Variants in IGF1 observed in about 807,000 individuals in gnomAD.
The protein encoded by IGF1 is insulin-like growth factor 1.
IGF1 carries 4 observed loss-of-function variants against 13.8 expected under a neutral mutation model. The ratio of observed to expected loss-of-function variants is 0.29; its 90% CI spans 0.14 to 0.66. The LOEUF is 0.66. Among genes scored for constraint, IGF1 ranks in the 30% least tolerant of loss-of-function variants. The pLI, the probability that IGF1 is intolerant of heterozygous loss-of-function variation, is 0.78. For missense variants in IGF1, 124 were observed against 188.5 expected, an observed-to-expected ratio of 0.66 and a Z score of 2.00; for synonymous variants, 76 against 72.6, an observed-to-expected ratio of 1.05 and a Z score of -0.23.
chr12:102,478,491 G>A (rs757770306), intron 1 of IGF1: 2 of 1,609,378 alleles, frequency 1.2e-6, no homozygotes, highest in East Asian at 2.2e-5. Context: ...ACTCACTGTA[G>A]GTGTAATCAT....
intron 2 of IGF1, among the ~76,000 whole-genome samples, chr12:102,462,114 C>T (rs556256328): frequency 6.6e-6 from 1 of 152,160 alleles, no homozygotes; most frequent in Non-Finnish European, 1.5e-5. Flanking sequence ...GACTCTATGT[C>T]TATGTGTATT....
In IGF1 at chr12:102,419,362, TG is replaced by T. The variant is rs1875462517; in HGVS notation, c.402+146del. 7.2e-6 allele frequency: 5 copies of T among 696,172 alleles called. No homozygotes were observed. In the South Asian group the frequency reaches 9.6e-5, roughly 13 times the overall value. 43.1% of individuals were successfully genotyped at this position (696,172 alleles called of 1,614,324 possible). The stretch of plus-strand genomic sequence containing the variant: ...TTGCAATGCAGAGTGACCAAAGAGA[TG>T]GGGATGTAATCCATCCCTTTGGTGC... On this transcript the variant is annotated intron_variant, in intron 3 of 3. Coordinates refer to ENST00000337514, the MANE Select transcript of IGF1 (RefSeq NM_000618.5).
chr12:102,411,105 A>G (rs1317730611), intron 3 of IGF1, among the ~76,000 whole-genome samples: 1 of 152,256 alleles, frequency 6.6e-6, no homozygotes, highest in Non-Finnish European at 1.5e-5. Flanking sequence ...ATTTATAAAG[A>G]GACAAATCAG....
At position 102,402,580 on chromosome 12, in the gene IGF1, A is replaced by G. The variant is rs1183524763; in HGVS notation, c.403-14T>C. On this transcript the variant is annotated splice_polypyrimidine_tract_variant and intron_variant, in intron 3 of 3. Coordinates refer to ENST00000337514, the MANE Select transcript of IGF1 (RefSeq NM_000618.5). ...CAAATGTACTTCCTATAAATAAAGG[A>G]GAAAAAGTGACATTAACTTGATGAA... 1.3e-6 allele frequency: 1 copy of G among 780,644 alleles called. No homozygotes were observed. The highest frequency in any genetic ancestry group is 1.3e-5 in the South Asian group (1 of 74,620). The allele number at this position is 780,644 out of a possible 1,614,324, so 48.4% of individuals were successfully genotyped here.
chr12:102,465,410 A>T (rs1478045225), intron 2 of IGF1, among the ~76,000 whole-genome samples: 3 of 152,214 alleles, frequency 2.0e-5, no homozygotes, highest in African/African-American at 7.2e-5. Context: ...AAGGACGTTA[A>T]GTGACTTCTC....
At chr12:102,466,850 G>A (rs761756686) in intron 2 of IGF1, among the ~76,000 whole-genome samples, 15 of 152,128 alleles carry the variant, frequency 9.9e-5, no homozygotes, top group Non-Finnish European at 1.8e-4. Flanking sequence ...AGGCTGCAGT[G>A]AGCTTTGTTC....
chr12:102,398,306 C>G lies in IGF1; in HGVS notation c.*4201G>C, dbSNP rs1335400624. On this transcript the variant is annotated 3_prime_UTR_variant, in exon 4 of 4. Coordinates refer to ENST00000337514, the MANE Select transcript of IGF1 (RefSeq NM_000618.5). ...TGAAGGGAGAATGTCTTCTATAAAC[C>G]AGTAAATGCCAAAGAATACCCAAGG... The G allele has an allele frequency of 6.6e-6, 1 of 152,530 alleles. No homozygotes were observed. Among genetic ancestry groups the G allele is most frequent in the South Asian group, 2.1e-4 (1 of 4,826 alleles). 9.4% of individuals were successfully genotyped at this position (152,530 alleles called of 1,614,324 possible).
intron 2 of IGF1, among the ~76,000 whole-genome samples, chr12:102,445,149 A>G (rs1362691338): frequency 6.6e-6 from 1 of 152,078 alleles, no homozygotes; most frequent in Non-Finnish European, 1.5e-5. Flanking sequence ...GACTTGTAGT[A>G]TAGTTTGAAG....
At chr12:102,404,091 C>A (rs1488477982) in intron 3 of IGF1, among the ~76,000 whole-genome samples, 1 of 152,068 alleles carries the variant, frequency 6.6e-6, no homozygotes, top group African/African-American at 2.4e-5. Context: ...TGAGGTACTT[C>A]TTTTTTTGGT....
In IGF1 at chr12:102,410,541, C is replaced by A. The variant is rs17885564; in HGVS notation, c.403-7975G>T. 8.0e-3 allele frequency among the ~76,000 whole-genome samples: 1,215 copies of A among 152,292 alleles called. 7 individuals are homozygous for A. The highest frequency in any genetic ancestry group is 0.035 in the East Asian group (182 of 5,182). On this transcript the variant is annotated intron_variant, in intron 3 of 3. Coordinates refer to ENST00000337514, the MANE Select transcript of IGF1 (RefSeq NM_000618.5). Reference sequence around the variant, plus strand: ...AAAACTGGATTTGATTATTCTTTTTCTCTTAAGCCTCCAAAATGCCATTGT... The same window carrying A: ...AAAACTGGATTTGATTATTCTTTTTATCTTAAGCCTCCAAAATGCCATTGT...
intron 2 of IGF1, among the ~76,000 whole-genome samples, chr12:102,445,905 C>T (rs111534044): frequency 1.3e-5 from 2 of 152,030 alleles, no homozygotes; most frequent in African/African-American, 4.8e-5. Context: ...GAGATATGTT[C>T]CATCAATACC....
At position 102,470,018 on chromosome 12, in the gene IGF1, C is replaced by T. The variant is rs182875664; in HGVS notation, c.220+5625G>A. Among the ~76,000 whole-genome samples the T allele has an allele frequency of 1.4e-3, 210 of 152,044 alleles. 1 individual carries two copies. Among genetic ancestry groups the T allele is most frequent in the African/African-American group, 4.8e-3 (201 of 41,476 alleles). On this transcript the variant is annotated intron_variant, in intron 2 of 3. Transcript: ENST00000337514. ...AAAATGAGTGTGTAATTAATTGGGC[C>T]GTTCATATACCTCAGCATTGGCAAT...
rs148490103 is a variant in IGF1 at position 102,396,579 on chromosome 12, C to A, written c.*5928G>T. The A allele has an allele frequency of 4.5e-5, 13 of 288,626 alleles. No homozygotes were observed. The highest frequency in any genetic ancestry group is 9.3e-4 in the Middle Eastern group (1 of 1,070). The allele number at this position is 288,626 out of a possible 1,614,324, so 17.9% of individuals were successfully genotyped here. A position where few individuals can be genotyped will look rare whatever the true frequency, so the allele number is the denominator to read the frequency against. ...TTTTAGAGCTCTGTTTTTATTTTTC[C>A]TACTTTACATCAGTGCATTTTGGGC... On this transcript the variant is annotated 3_prime_UTR_variant, in exon 4 of 4. Transcript: ENST00000337514.
At chr12:102,475,860 T>G (rs1406196644) in intron 1 of IGF1, 61 bp from the exon 2 acceptor site, 2 of 1,541,402 alleles carry the variant, frequency 1.3e-6, no homozygotes, top group African/African-American at 2.7e-5. Context: ...GGGAGTGGGG[T>G]GGGACAGAAG....
chr12:102,459,821 T>C (rs1470260125), intron 2 of IGF1, among the ~76,000 whole-genome samples: 1 of 152,226 alleles, frequency 6.6e-6, no homozygotes, highest in Non-Finnish European at 1.5e-5. Flanking sequence ...GGCTATACAG[T>C]TCTATAAAGA....
chr12:102,480,734 T>A, upstream of IGF1: 1 of 504,028 alleles, frequency 2.0e-6, no homozygotes, highest in Non-Finnish European at 3.1e-6. Flanking sequence ...ATTTTAAAAC[T>A]AGAGCACAGA....
intron 3 of IGF1, among the ~76,000 whole-genome samples, chr12:102,407,930 G>C (rs758129040): frequency 3.2e-4 from 48 of 152,180 alleles, no homozygotes; most frequent in Non-Finnish European, 1.2e-4. Context: ...GAATCTAAAA[G>C]GATAAAAATA....
chr12:102,455,185 G>T (rs1229408250), intron 2 of IGF1, among the ~76,000 whole-genome samples: 3 of 152,224 alleles, frequency 2.0e-5, no homozygotes, highest in Non-Finnish European at 4.4e-5. Context: ...GAATGATCCT[G>T]CCTAGAACTT....
At chr12:102,451,488 C>G (rs955462796) in intron 2 of IGF1, among the ~76,000 whole-genome samples, 1 of 152,224 alleles carries the variant, frequency 6.6e-6, no homozygotes, top group South Asian at 2.1e-4. Context: ...AAATCTAATA[C>G]CAGTTTTTGT....
Sources: allele counts gnomAD v4.1 joint callset (sites outside exome capture counted in the v4.1 genomes callset), GRCh38; gene constraint gnomAD v4.1.1; transcripts MANE v1.5; gene names NCBI Gene and HGNC (gene_info 2026-07-23, HGNC 2026-07-21).